Variants in ISOC1 observed in about 807,000 individuals in gnomAD.
The protein encoded by ISOC1 is isochorismatase domain-containing protein 1.
Under a neutral mutation model 30.0 loss-of-function variants are expected in ISOC1, and 33 were observed. The ratio of observed to expected loss-of-function variants is 1.10; its 90% CI spans 0.83 to 1.47. The LOEUF (loss-of-function observed/expected upper bound fraction) is 1.47. Among genes scored for constraint, ISOC1 ranks in the 40% most tolerant of loss-of-function variants. ISOC1 has a pLI of 0.00. For synonymous variants in ISOC1, 178 were observed against 159.8 expected (o/e 1.11, Z -0.86); for missense variants, 372 against 388.0 (o/e 0.96, Z 0.35).
chr5:129,098,300 T>A (rs2150170039), intron 1 of ISOC1, among the ~76,000 whole-genome samples: 1 of 152,280 alleles, frequency 6.6e-6, no homozygotes, highest in East Asian at 1.9e-4. Context: ...AAATATTCTG[T>A]CAAAGTAACA....
intron 1 of ISOC1, 70 bp from the exon 2 acceptor site, chr5:129,104,886 A>T (rs1319381423): frequency 6.7e-7 from 1 of 1,499,222 alleles, no homozygotes; most frequent in South Asian, 1.2e-5. Flanking sequence ...TTCTTCCTTT[A>T]TTGACCTCCA....
At chr5:129,098,388 A>C (rs1753533196) in intron 1 of ISOC1, among the ~76,000 whole-genome samples, 1 of 152,204 alleles carries the variant, frequency 6.6e-6, no homozygotes. Flanking sequence ...GCTTTGCCAA[A>C]TGCTTGAGAT....
At chr5:129,101,006 G>T (rs1753563709) in intron 1 of ISOC1, among the ~76,000 whole-genome samples, 1 of 134,002 alleles carries the variant, frequency 7.5e-6, no homozygotes, top group African/African-American at 2.9e-5. Flanking sequence ...CCTGTACCCA[G>T]ATTCCCTATT....
chr5:129,105,033 C>G lies in ISOC1; in HGVS notation c.387C>G (p.Ala129=), dbSNP rs1753617898. 2 of 1,613,836 alleles carry G rather than the reference C, an allele frequency of 1.2e-6. No individual in the cohort carries two copies. Among genetic ancestry groups the G allele is most frequent in the Non-Finnish European group, 8.5e-7 (1 of 1,179,816 alleles). The change falls in exon 2 of 5, where the codon GCC becomes GCG. Residue 129 remains alanine, a synonymous_variant. Transcript: ENST00000173527. ...ATATGCAGGAAAGGTTCAGACCAGC[C>G]ATCAAGTATTTTGGGGATATTATTA... The part of the protein sequence containing the change: ...CCDMQERFRP[A]IKYFGDIISV...
chr5:129,098,322 C>T (rs1357110391), intron 1 of ISOC1, among the ~76,000 whole-genome samples: 1 of 152,146 alleles, frequency 6.6e-6, no homozygotes, highest in Non-Finnish European at 1.5e-5. Context: ...TGTCTGCCGA[C>T]AGCTCAGGTA....
rs940554952 is a variant in ISOC1 at position 129,105,470 on chromosome 5, A to G, written c.633+82A>G. On this transcript the variant is annotated intron_variant, in intron 3 of 4. Transcript: ENST00000173527. ...TGTGGAATGTAATTTCATATATGGT[A>G]TGCCAGGTAGGCAGTAATAATGAGG... 4.2e-6 allele frequency: 5 copies of G among 1,179,420 alleles called. No homozygotes were observed. In the African/African-American group the frequency reaches 4.6e-5, roughly 11 times the overall value. 73.1% of individuals were successfully genotyped at this position (1,179,420 alleles called of 1,614,324 possible). A position where few individuals can be genotyped will look rare whatever the true frequency, so the allele number is the denominator to read the frequency against.
intron 1 of ISOC1, among the ~76,000 whole-genome samples, chr5:129,102,182 C>G (rs2150170838): frequency 6.6e-6 from 1 of 152,318 alleles, no homozygotes; most frequent in African/African-American, 2.4e-5. Context: ...AAACACCTTA[C>G]ATAGATACTC....
chr5:129,105,338 G>A lies in ISOC1; in HGVS notation c.583G>A (p.Ala195Thr). The A allele has an allele frequency of 1.9e-6, 3 of 1,613,834 alleles. No homozygotes were observed. The highest frequency in any genetic ancestry group is 1.7e-5 in the Admixed American group (1 of 60,006). ...FSMVLPEVEA[A>T]LAEIPGVRSV... ...AATGGTATTACCAGAAGTAGAAGCG[G>A]CATTAGCAGAGATTCCCGGAGTCAG... The change falls in exon 3 of 5, where the codon GCA (alanine) becomes ACA (threonine). Residue 195 changes from alanine (A) to threonine (T), a missense_variant. Coordinates refer to ENST00000173527, the MANE Select transcript of ISOC1 (RefSeq NM_016048.2).
chr5:129,096,907 A>G (rs370371930), intron 1 of ISOC1, among the ~76,000 whole-genome samples: 1 of 152,184 alleles, frequency 6.6e-6, no homozygotes, highest in East Asian at 1.9e-4. Flanking sequence ...TGAAAATTTC[A>G]GGGCCTTGGT....
At chr5:129,110,275 C>T (rs948558989) in intron 4 of ISOC1, among the ~76,000 whole-genome samples, 2 of 152,150 alleles carry the variant, frequency 1.3e-5, no homozygotes, top group Non-Finnish European at 2.9e-5. Context: ...TGCACATGTA[C>T]CTGTGTGCAT....
At chr5:129,101,451 C>T (rs1303836498) in intron 1 of ISOC1, among the ~76,000 whole-genome samples, 4 of 151,870 alleles carry the variant, frequency 2.6e-5, no homozygotes, top group Non-Finnish European at 4.4e-5. Context: ...GTCGAGATCA[C>T]GCCACTGCAC....
Position 129,095,023 on chromosome 5 carries a change from G to C in ISOC1, c.257G>C (p.Gly86Ala). The C allele has an allele frequency of 6.2e-7, 1 of 1,600,678 alleles. No homozygotes were observed. The highest frequency in any genetic ancestry group is 8.5e-7 in the Non-Finnish European group (1 of 1,175,892). ...GGCCAGTACGTGGACTTGCCCAAGG[G>C]CTTCGCGGTGAGCGAGCGCTGCAAG... ...EWGQYVDLPK[G>A]FAVSERCKVR... Residue 86 changes from glycine (G) to alanine (A), a missense_variant, in exon 1 of 5, where the codon GGC becomes GCC. By Grantham distance (60) the Gly-to-Ala change is moderately conservative (BLOSUM62 0). Coordinates refer to ENST00000173527, the MANE Select transcript of ISOC1 (RefSeq NM_016048.2).
chr5:129,108,241 A>G (rs1403768545), intron 4 of ISOC1, among the ~76,000 whole-genome samples: 1 of 152,058 alleles, frequency 6.6e-6, no homozygotes, highest in Non-Finnish European at 1.5e-5. Context: ...GAGAAAGGGG[A>G]GGGCCTTATC....
chr5:129,104,835 C>A (rs545626435), intron 1 of ISOC1, 121 bp from the exon 2 acceptor site: 815 of 862,318 alleles, frequency 9.5e-4, no homozygotes, highest in Non-Finnish European at 1.3e-3. Context: ...TGGATAATAG[C>A]GGTAGAAATT....
At chr5:129,101,192 A>AAAAAAAAAAAT (rs1554064627) in intron 1 of ISOC1, among the ~76,000 whole-genome samples, 9 of 42,228 alleles carry the variant, frequency 2.1e-4, no homozygotes, top group Admixed American at 6.5e-4. Context: ...AAAAAAAAAA[A>AAAAAAAAAAAT]ATATATATAT....
At chr5:129,108,817 T>G (rs1168305343) in intron 4 of ISOC1, among the ~76,000 whole-genome samples, 3 of 152,158 alleles carry the variant, frequency 2.0e-5, no homozygotes, top group Non-Finnish European at 4.4e-5. Context: ...CGGTCAGACC[T>G]TTAATCTATT....
Position 129,095,070 on chromosome 5 carries a change from A to T in ISOC1, c.304A>T (p.Ile102Phe). 6.4e-7 allele frequency: 1 copy of T among 1,568,440 alleles called. No individual in the cohort carries two copies. Among genetic ancestry groups the T allele is most frequent in the South Asian group, 1.2e-5 (1 of 86,632 alleles). Residue 102 changes from isoleucine to phenylalanine, a missense_variant, in exon 1 of 5, where the codon ATC becomes TTC. Ile to Phe is a conservative substitution (Grantham distance 21). Coordinates refer to ENST00000173527, the MANE Select transcript of ISOC1 (RefSeq NM_016048.2). ...RCKVRLVPLQ[I>F]QLTTLGNLTP... ...CAAGGTGCGCCTCGTGCCGTTGCAG[A>T]TCCAGGTGGGTCCTGCGGGAGGCCG...
chr5:129,112,791 C>G, intron 4 of ISOC1, 64 bp from the exon 5 acceptor site: 2 of 1,545,858 alleles, frequency 1.3e-6, no homozygotes, highest in Middle Eastern at 3.5e-4. Flanking sequence ...CATAGTGTTA[C>G]TCTTCTGAAA....
At chr5:129,108,547 C>T (rs1042250282) in intron 4 of ISOC1, among the ~76,000 whole-genome samples, 6 of 148,730 alleles carry the variant, frequency 4.0e-5, no homozygotes, top group African/African-American at 7.5e-5. Context: ...CTTGCTTTGT[C>T]GCCCAGGCTG....
Sources: gnomAD v4.1 joint callset for allele counts (sites outside exome capture counted in the v4.1 genomes callset) on GRCh38, gnomAD v4.1.1 for gene constraint, MANE v1.5 for transcripts, NCBI Gene and HGNC (gene_info 2026-07-23, HGNC 2026-07-21) for gene names.